The following CHODL variants were observed in gnomAD, a reference collection of about 807,000 sequenced individuals.
CHODL encodes the protein transmembrane protein MT75.
Under a neutral mutation model 34.5 loss-of-function variants are expected in CHODL, and 29 were observed. The ratio of observed to expected loss-of-function variants is 0.84; its 90% confidence interval spans 0.63 to 1.15. The LOEUF is 1.15. Among genes scored for constraint, CHODL ranks in the 50% most tolerant of loss-of-function variants. The probability of loss-of-function intolerance (pLI) is 0.00; values close to 1 mark genes in which losing one functional copy is unlikely to be tolerated. For missense variants in CHODL, 332 were observed against 332.5 expected, an observed-to-expected ratio of 1.00 and a Z score of 0.01; for synonymous variants, 125 against 116.1, an observed-to-expected ratio of 1.08 and a Z score of -0.49.
chr21:18,245,928 G>C, intron 1 of CHODL: 1 of 1,535,648 alleles, frequency 6.5e-7, no homozygotes, highest in Non-Finnish European at 8.7e-7. Flanking sequence ...AGCTGGAGTT[G>C]GGCCGAGGTA....
At chr21:17,966,216 G>A (rs1215697257) in intron 1 of CHODL, among the ~76,000 whole-genome samples, 2 of 151,926 alleles carry the variant, frequency 1.3e-5, no homozygotes, top group Non-Finnish European at 2.9e-5. Context: ...CCCAATGAAG[G>A]TTTTGCTTAG....
chr21:18,042,442 A>G (rs1465695012), intron 2 of CHODL, among the ~76,000 whole-genome samples: 1 of 151,994 alleles, frequency 6.6e-6, no homozygotes, highest in African/African-American at 2.4e-5. Context: ...AGAATTATAA[A>G]TCAGAAAGAA....
At chr21:17,919,740 T>C (rs2063169437) in intron 1 of CHODL, among the ~76,000 whole-genome samples, 1 of 152,304 alleles carries the variant, frequency 6.6e-6, no homozygotes, top group Middle Eastern at 3.4e-3. Context: ...GGGATTTTCT[T>C]TTCTATAGCA....
At chr21:17,934,307 G>T (rs1296011575) in intron 1 of CHODL, among the ~76,000 whole-genome samples, 1 of 151,854 alleles carries the variant, frequency 6.6e-6, no homozygotes, top group Non-Finnish European at 1.5e-5. Flanking sequence ...ATCACAAAGT[G>T]CTGAGAATAG....
At chr21:17,969,193 AG>A (rs995786052) in intron 1 of CHODL, among the ~76,000 whole-genome samples, 13 of 152,296 alleles carry the variant, frequency 8.5e-5, no homozygotes, top group African/African-American at 2.6e-4. Context: ...TTCATTGGTG[AG>A]TTTTTTAAGG....
At chr21:17,938,066 G>A (rs981447017) in intron 1 of CHODL, among the ~76,000 whole-genome samples, 3 of 152,242 alleles carry the variant, frequency 2.0e-5, no homozygotes, top group Middle Eastern at 6.8e-3. Flanking sequence ...TAATATTTGC[G>A]AATTTGAAAA....
intron 2 of CHODL, among the ~76,000 whole-genome samples, chr21:18,184,108 C>T (rs28633927): frequency 0.042 from 6,466 of 152,156 alleles, 466 homozygotes; most frequent in African/African-American, 0.14. Flanking sequence ...TACAGTTTCA[C>T]GTACTTTTCT....
chr21:17,963,675 G>C (rs900096091), intron 1 of CHODL, among the ~76,000 whole-genome samples: 1 of 152,164 alleles, frequency 6.6e-6, no homozygotes, highest in African/African-American at 2.4e-5. Flanking sequence ...AGATTTGGAT[G>C]GGGATGTAGC....
In CHODL at chr21:18,262,816, T is replaced by C. The variant is rs1183225617; in HGVS notation, c.660T>C (p.Val220=). 1.9e-6 allele frequency: 3 copies of C among 1,601,370 alleles called. No homozygotes were observed. The African/African-American group carries it at 4.0e-5, about 21-fold the overall frequency. Residue 220 remains valine, a synonymous_variant, in exon 5 of 6, where the codon GTT becomes GTC. Transcript: ENST00000299295. ...GTATAATTCCCAATCTAATTTATGT[T>C]GTTATACCAACAATACCCCTGCTCT... ...EAGIIPNLIY[V]VIPTIPLLLL...
intron 2 of CHODL, among the ~76,000 whole-genome samples, chr21:18,127,675 T>G (rs910749533): frequency 9.1e-6 from 1 of 110,008 alleles, no homozygotes; most frequent in East Asian, 2.9e-4. Context: ...TGCCATTGTT[T>G]TTTTTTTTTT....
At position 18,256,502 on chromosome 21, in the gene CHODL, T is replaced by C. The variant is rs1192813956; in HGVS notation, c.80-7T>C. 3 of 1,577,198 alleles carry C rather than the reference T, an allele frequency of 1.9e-6. No homozygotes were observed. Among genetic ancestry groups the C allele is most frequent in the Non-Finnish European group, 2.6e-6 (3 of 1,165,836 alleles). ...TCAATATATGGGCATCTTTTTTTTT[T>C]TTTCAGGCCAAAAGGTGTGTTTTGC... On this transcript the variant is annotated splice_region_variant and splice_polypyrimidine_tract_variant and intron_variant, in intron 1 of 5. Transcript: ENST00000299295.
intron 2 of CHODL, among the ~76,000 whole-genome samples, chr21:18,209,748 T>G (rs2073753360): frequency 6.6e-6 from 1 of 152,134 alleles, no homozygotes. Flanking sequence ...ATGAGGAATC[T>G]TTCCAGGACT....
intron 2 of CHODL, among the ~76,000 whole-genome samples, chr21:18,220,562 G>A (rs764227884): frequency 1.3e-5 from 2 of 151,992 alleles, no homozygotes; most frequent in Non-Finnish European, 2.9e-5. Context: ...TCCAGATATA[G>A]GACTCCCTTA....
intron 2 of CHODL, among the ~76,000 whole-genome samples, chr21:18,093,184 A>T (rs1254319455): frequency 6.6e-6 from 1 of 152,176 alleles, no homozygotes; most frequent in Non-Finnish European, 1.5e-5. Flanking sequence ...GTGGCATGAC[A>T]TATTTAAAGT....
In CHODL at chr21:18,189,629, A is replaced by ATTTTTT. The variant is rs35604998; in HGVS notation, c.-44-66862_-44-66857dup. ...TCAGATCAACTAATAGAAGTGGGCA[A>ATTTTTT]TTTTTTTTTTTTTTTTTTTTTTTGA... On this transcript the variant is annotated intron_variant, in intron 2 of 6. Coordinates refer to the CHODL transcript ENST00000400127. Among the ~76,000 whole-genome samples the ATTTTTT allele has an allele frequency of 4.3e-4, 41 of 94,600 alleles. No individual in the cohort carries two copies. In the East Asian group the frequency reaches 5.8e-3, roughly 13 times the overall value. 62.1% of individuals were successfully genotyped at this position (94,600 alleles called of 152,430 possible). A position where few individuals can be genotyped will look rare whatever the true frequency, so the allele number is the denominator to read the frequency against.
chr21:18,013,634 G>GTTTTTTTTTTTTTTTTTTTTTTTTTT (rs1568844372), intron 1 of CHODL, among the ~76,000 whole-genome samples: 1 of 36,268 alleles, frequency 2.8e-5, no homozygotes, highest in African/African-American at 1.8e-4. Flanking sequence ...TGCTGCTGCT[G>GTTTTTTTTTTTTTTTTTTTTTTTTTT]CTTTTTTTTT....
chr21:18,200,075 T>C (rs1262390779), intron 2 of CHODL, among the ~76,000 whole-genome samples: 1 of 152,192 alleles, frequency 6.6e-6, no homozygotes, highest in African/African-American at 2.4e-5. Flanking sequence ...CCATCAGCAA[T>C]GAATGATAGT....
At chr21:18,262,481 A>T (rs545140333) in intron 4 of CHODL, among the ~76,000 whole-genome samples, 21 of 152,296 alleles carry the variant, frequency 1.4e-4, no homozygotes, top group Non-Finnish European at 2.1e-4. Context: ...TGTATATCAA[A>T]ACCTATCTAA....
At chr21:18,158,565 C>A (rs574423563) in intron 2 of CHODL, among the ~76,000 whole-genome samples, 5 of 152,102 alleles carry the variant, frequency 3.3e-5, no homozygotes, top group African/African-American at 9.7e-5. Context: ...CGGCCTGGCA[C>A]GGTGGCTCAT....
Sources: gnomAD v4.1 joint callset for allele counts (sites outside exome capture counted in the v4.1 genomes callset) on GRCh38, gnomAD v4.1.1 for gene constraint, MANE v1.5 for transcripts, NCBI Gene and HGNC (gene_info 2026-07-23, HGNC 2026-07-21) for gene names.